The following ANO3 variants were observed in gnomAD, a reference collection of about 807,000 sequenced individuals.
ANO3 encodes the protein anoctamin-3.
A neutral mutation model predicts 144.8 loss-of-function variants in ANO3; 99 were observed. The observed-to-expected ratio is 0.68, with a 90% CI of 0.58 to 0.81. ANO3 has a LOEUF of 0.81. Among genes scored for constraint, ANO3 ranks in the 30% least tolerant of loss-of-function variants. The pLI is 0.00. For synonymous variants in ANO3, 414 were observed against 392.6 expected (o/e 1.05, Z -0.64); for missense variants, 905 against 1,202.2 (o/e 0.75, Z 3.66).
chr11:26,605,659 G>T (rs533481862), intron 17 of ANO3, among the ~76,000 whole-genome samples: 14 of 152,176 alleles, frequency 9.2e-5, no homozygotes, highest in Non-Finnish European at 1.6e-4. Flanking sequence ...GTTTAGTCTT[G>T]GGAGGGTGTA....
At chr11:26,594,036 CAA>C (rs1175992615) in intron 14 of ANO3, among the ~76,000 whole-genome samples, 1 of 152,126 alleles carries the variant, frequency 6.6e-6, no homozygotes, top group Admixed American at 6.5e-5. Flanking sequence ...ACCTGGCCGT[CAA>C]TAGAGTCAGG....
intron 17 of ANO3, among the ~76,000 whole-genome samples, chr11:26,602,536 G>A (rs530284390): frequency 7.9e-5 from 12 of 151,958 alleles, no homozygotes; most frequent in East Asian, 1.9e-4. Context: ...AGACCAGCCC[G>A]GGCAACATAG....
chr11:26,422,402 G>A (rs1385523041), intron 1 of ANO3, among the ~76,000 whole-genome samples: 1 of 151,986 alleles, frequency 6.6e-6, no homozygotes, highest in Non-Finnish European at 1.5e-5. Context: ...TTATATGAAT[G>A]CCTTTTTAAA....
Position 26,599,588 on chromosome 11 carries a change from G to T in ANO3, c.1710G>T (p.Val570=). 1 of 1,614,122 alleles carries T rather than the reference G, an allele frequency of 6.2e-7. No homozygotes were observed. Among genetic ancestry groups the T allele is most frequent in the African/African-American group, 1.3e-5 (1 of 75,054 alleles). ...LVITAVFGVV[V]YRLVVMEQFA... is the part of the protein sequence containing the mutation. ...TCACTGCAGTGTTTGGAGTTGTGGT[G>T]TACCGCCTGGTTGTCATGGAACAGT... Residue 570 remains valine (V), a synonymous_variant, in exon 17 of 27, where the codon GTG becomes GTT. Transcript: ENST00000256737.
Position 26,488,632 on chromosome 11 carries a change from G to A in ANO3, c.433-19472G>A, listed in dbSNP as rs114504652. Among the ~76,000 whole-genome samples, 1,396 of 152,220 alleles carry A rather than the reference G, an allele frequency of 9.2e-3. 29 individuals carry two copies. Among genetic ancestry groups the A allele is most frequent in the African/African-American group, 0.032 (1,330 of 41,522 alleles). On this transcript the variant is annotated intron_variant, in intron 4 of 26. Transcript: ENST00000256737. ...GTGAGTGATACAGCTCTTAAAGATC[G>A]TGCATCTGGAGTTGGGTGTTTGTTC...
intron 1 of ANO3, among the ~76,000 whole-genome samples, chr11:26,210,743 A>T (rs575386631): frequency 6.6e-6 from 1 of 151,736 alleles, no homozygotes; most frequent in Non-Finnish European, 1.5e-5. Context: ...CTCTTGTAGC[A>T]ATTGTAAATG....
At chr11:26,211,297 C>A (rs1309950120) in intron 1 of ANO3, among the ~76,000 whole-genome samples, 4 of 152,052 alleles carry the variant, frequency 2.6e-5, no homozygotes, top group Admixed American at 1.3e-4. Flanking sequence ...TAAATAAGTT[C>A]TTTGAAAATA....
intron 14 of ANO3, among the ~76,000 whole-genome samples, chr11:26,597,560 G>A (rs1051748229): frequency 6.6e-6 from 1 of 152,144 alleles, no homozygotes; most frequent in African/African-American, 2.4e-5. Context: ...TGGACAGCAA[G>A]CAAAAGCTCA....
At chr11:26,417,056 A>C (rs1403333428) in intron 1 of ANO3, among the ~76,000 whole-genome samples, 1 of 152,102 alleles carries the variant, frequency 6.6e-6, no homozygotes, top group Non-Finnish European at 1.5e-5. Flanking sequence ...TCTTTAGTTA[A>C]CATACTATTG....
chr11:26,407,054 G>A (rs1409055290), intron 1 of ANO3, among the ~76,000 whole-genome samples: 2 of 73,610 alleles, frequency 2.7e-5, no homozygotes, highest in Non-Finnish European at 5.8e-5. Context: ...ATGGGTGTGT[G>A]TGTGTGTGTG....
chr11:26,553,003 C>CATAAGTGTAAAAATGGCCTGTTATCATT (rs1554968941), intron 12 of ANO3, among the ~76,000 whole-genome samples: 37 of 151,714 alleles, frequency 2.4e-4, no homozygotes, highest in African/African-American at 8.9e-4. Context: ...CCATTTATCA[C>CATAAGTGTAAAAATGGCCTGTTATCATT]ACAATTATCT....
At chr11:26,226,588 C>A (rs912956343) in intron 1 of ANO3, among the ~76,000 whole-genome samples, 1 of 152,034 alleles carries the variant, frequency 6.6e-6, no homozygotes, top group Non-Finnish European at 1.5e-5. Flanking sequence ...CTTCCCTTCT[C>A]CCCTACTTAA....
At chr11:26,598,121 G>T (rs1851691477) in intron 14 of ANO3, among the ~76,000 whole-genome samples, 1 of 152,144 alleles carries the variant, frequency 6.6e-6, no homozygotes, top group Non-Finnish European at 1.5e-5. Flanking sequence ...GATGAGCTGT[G>T]CTGACAAAAA....
At chr11:26,505,354 A>G (rs10834996) in intron 4 of ANO3, among the ~76,000 whole-genome samples, 95,915 of 152,042 alleles carry the variant, frequency 0.63, 30,897 homozygotes, top group East Asian at 0.8. Flanking sequence ...ATTTTGGACA[A>G]TTAACTTTGA....
intron 1 of ANO3, among the ~76,000 whole-genome samples, chr11:26,192,084 A>G (rs960914411): frequency 6.6e-6 from 1 of 152,186 alleles, no homozygotes; most frequent in Non-Finnish European, 1.5e-5. Context: ...GTCAAGTTAT[A>G]TATGTTCTGC....
intron 17 of ANO3, among the ~76,000 whole-genome samples, chr11:26,606,095 A>T (rs957189205): frequency 1.3e-5 from 2 of 152,130 alleles, no homozygotes; most frequent in Non-Finnish European, 2.9e-5. Flanking sequence ...TTTCCCTGTA[A>T]ATACTGCTTT....
chr11:26,576,040 G>T (rs753903798), intron 14 of ANO3, among the ~76,000 whole-genome samples: 26 of 152,286 alleles, frequency 1.7e-4, no homozygotes, highest in South Asian at 4.1e-4. Flanking sequence ...CGCTCAGGTG[G>T]CCCCATGAAA....
At chr11:26,249,866 G>T (rs1008011793) in intron 1 of ANO3, among the ~76,000 whole-genome samples, 12 of 152,100 alleles carry the variant, frequency 7.9e-5, no homozygotes, top group Admixed American at 2.6e-4. Flanking sequence ...CCTATGCAAA[G>T]TCTTCCGCAG....
intron 18 of ANO3, 47 bp from the exon 19 acceptor site, chr11:26,634,157 T>A (rs373997270): frequency 8.7e-7 from 1 of 1,154,656 alleles, no homozygotes; most frequent in Admixed American, 1.7e-5. Flanking sequence ...AGAGTCTTGA[T>A]ATTCACCTCA....
Sources: gnomAD v4.1 joint callset for allele counts (sites outside exome capture counted in the v4.1 genomes callset) on GRCh38, gnomAD v4.1.1 for gene constraint, MANE v1.5 for transcripts, NCBI Gene and HGNC (gene_info 2026-07-23, HGNC 2026-07-21) for gene names.